Variants in ANO10 observed in about 807,000 individuals in gnomAD.
ANO10 encodes the protein anoctamin-10.
In ANO10, 77 loss-of-function variants were observed where a neutral mutation model predicts 74.7. The observed-to-expected ratio is 1.03, with a 90% CI of 0.86 to 1.25. ANO10 has a LOEUF of 1.25. ANO10 is among the 50% of genes most tolerant of loss of function. The pLI, the probability that ANO10 is intolerant of heterozygous loss-of-function variation, is 0.00. For synonymous variants in ANO10, 279 were observed against 284.9 expected (o/e 0.98, Z 0.21); for missense variants, 721 against 778.1 (o/e 0.93, Z 0.87).
rs150827247 is a variant in ANO10, at chr3:43,577,348, T to TA, written c.593-88dup. 8.4e-5 allele frequency: 110 copies of TA among 1,309,718 alleles called. No homozygotes were observed. The East Asian group carries it at 2.4e-3, about 29-fold the overall frequency. 81.1% of individuals were successfully genotyped at this position (1,309,718 alleles called of 1,614,324 possible). A position where few individuals can be genotyped will look rare whatever the true frequency, so the allele number is the denominator to read the frequency against. On this transcript the variant is annotated intron_variant, in intron 5 of 12. Transcript: ENST00000292246. ...CAAGTACGCTTATTCATTTTTTAGT[T>TA]AAGTGGGGATCATTCAACCCTCACT...
upstream of ANO10, among the ~76,000 whole-genome samples, chr3:43,626,216 G>A (rs1048097158): frequency 1.1e-4 from 16 of 151,896 alleles, no homozygotes; most frequent in Non-Finnish European, 1.9e-4. Flanking sequence ...TTACAGGCAT[G>A]AGCCACCATG....
intron 1 of ANO10, among the ~76,000 whole-genome samples, chr3:43,607,175 G>A (rs988893946): frequency 6.6e-6 from 1 of 151,858 alleles, no homozygotes; most frequent in African/African-American, 2.4e-5. Flanking sequence ...TAAAGAATAT[G>A]TGACCTGTAT....
At chr3:43,620,587 G>A (rs2083340644) in intron 1 of ANO10, among the ~76,000 whole-genome samples, 2 of 152,106 alleles carry the variant, frequency 1.3e-5, no homozygotes, top group African/African-American at 4.8e-5. Context: ...AGACCAGCCT[G>A]GCCAACATGG....
chr3:43,589,394 C>T (rs987205105), intron 4 of ANO10, among the ~76,000 whole-genome samples: 2 of 152,078 alleles, frequency 1.3e-5, no homozygotes, highest in Middle Eastern at 3.2e-3. Flanking sequence ...CCTTTATGAA[C>T]TGAAGCAATC....
intron 12 of ANO10, among the ~76,000 whole-genome samples, chr3:43,376,404 G>A (rs1052359137): frequency 2.0e-5 from 3 of 152,114 alleles, no homozygotes; most frequent in Admixed American, 6.5e-5. Context: ...CTGAGACAGG[G>A]GCAGTATTTT....
chr3:43,513,401 A>AT (rs1488801568), intron 11 of ANO10, among the ~76,000 whole-genome samples: 6 of 152,248 alleles, frequency 3.9e-5, no homozygotes, highest in Non-Finnish European at 5.9e-5. Context: ...ATAAAGATGT[A>AT]TACTATAAAC....
At position 43,366,780 on chromosome 3, in the gene ANO10, G is replaced by A. The variant is rs1017410577; in HGVS notation, c.*126C>T. The stretch of plus-strand genomic sequence containing the variant: ...GTGCTTGCCACATGGGAGCCACTTC[G>A]TTTGGCTAAGCATTGGGTCTGGGTT... On this transcript the variant is annotated 3_prime_UTR_variant, in exon 13 of 13. Coordinates refer to ENST00000292246, the MANE Select transcript of ANO10 (RefSeq NM_018075.5). The A allele has an allele frequency of 6.2e-5, 61 of 984,398 alleles. No individual in the cohort carries two copies. The highest frequency in any genetic ancestry group is 1.0e-4 in the Admixed American group (5 of 49,808). The allele number at this position is 984,398 out of a possible 1,614,324, so 61.0% of individuals were successfully genotyped here.
chr3:43,530,096 A>T (rs1430895488), intron 11 of ANO10, among the ~76,000 whole-genome samples: 1 of 152,170 alleles, frequency 6.6e-6, no homozygotes, highest in Non-Finnish European at 1.5e-5. Context: ...ATAGAAATTA[A>T]GAAGATAGGG....
intron 11 of ANO10, chr3:43,484,848 G>T (rs1559599043): frequency 3.6e-6 from 2 of 550,946 alleles, no homozygotes; most frequent in South Asian, 2.4e-5. Flanking sequence ...CATCATGGAG[G>T]CGGGGCTGTG....
At chr3:43,391,624 C>A (rs1003643181) in intron 12 of ANO10, among the ~76,000 whole-genome samples, 2 of 152,174 alleles carry the variant, frequency 1.3e-5, no homozygotes, top group Non-Finnish European at 2.9e-5. Flanking sequence ...TTTACAGAGG[C>A]TATGGTTTCC....
chr3:43,386,647 A>ATGTG (rs2092125622), intron 12 of ANO10, among the ~76,000 whole-genome samples: 3 of 87,934 alleles, frequency 3.4e-5, no homozygotes, highest in Non-Finnish European at 7.0e-5. Context: ...GTAGGTGTGT[A>ATGTG]CGTGTGTGTG....
rs1374992716 is a variant in ANO10 at position 43,675,693 on chromosome 3, A to ACC, written c.-12+15822_-12+15823dup. Among the ~76,000 whole-genome samples the ACC allele has an allele frequency of 3.9e-5, 6 of 152,084 alleles. No individual in the cohort carries two copies. In the South Asian group the frequency reaches 6.2e-4, roughly 16 times the overall value. On this transcript the variant is annotated intron_variant, in intron 1 of 3. Coordinates refer to the ANO10 transcript ENST00000413397. ...GACATTGTGACTTTAATCACTACAC[A>ACC]CCCATCACTACACACCCATCAGAAT...
chr3:43,634,005 A>AAG, intron 1 of ANO10, among the ~76,000 whole-genome samples: 1 of 151,480 alleles, frequency 6.6e-6, no homozygotes, highest in East Asian at 1.9e-4. Flanking sequence ...CAAAAAAAAA[A>AAG]AAAAAAAAAA....
intron 1 of ANO10, chr3:43,690,796 G>C (rs2084352441): frequency 2.1e-6 from 1 of 468,270 alleles, no homozygotes; most frequent in South Asian, 4.4e-5. Context: ...GTGCATGCTG[G>C]CTGGGGATGG....
chr3:43,682,633 A>G lies in ANO10; in HGVS notation c.-12+8884T>C, dbSNP rs188245947. Among the ~76,000 whole-genome samples the G allele has an allele frequency of 7.9e-5, 12 of 152,372 alleles. No homozygotes were observed. The East Asian group carries it at 1.5e-3, about 20-fold the overall frequency. On this transcript the variant is annotated intron_variant, in intron 1 of 3. Coordinates refer to the ANO10 transcript ENST00000413397. Reference sequence around the variant, plus strand: ...CCTGGCAGAGACACAACAAAAAAAGAGAAATTTAGACCAATATCTCTGATG... The same window carrying G: ...CCTGGCAGAGACACAACAAAAAAAGGGAAATTTAGACCAATATCTCTGATG...
At chr3:43,596,366 T>G (rs1007106022) in intron 4 of ANO10, among the ~76,000 whole-genome samples, 1 of 152,120 alleles carries the variant, frequency 6.6e-6, no homozygotes, top group African/African-American at 2.4e-5. Flanking sequence ...CAAACTATAC[T>G]ACAAAGCTAC....
At chr3:43,635,699 A>G (rs1052516571) in intron 1 of ANO10, among the ~76,000 whole-genome samples, 1 of 150,658 alleles carries the variant, frequency 6.6e-6, no homozygotes, top group African/African-American at 2.5e-5. Context: ...GGCTCACTGC[A>G]ACCTCCGCCT....
chr3:43,472,638 T>C (rs1038271233), intron 11 of ANO10: 6 of 151,730 alleles, frequency 4.0e-5, no homozygotes, highest in African/African-American at 1.2e-4. Context: ...AACAACCAAA[T>C]GCAATGAATT....
intron 11 of ANO10, among the ~76,000 whole-genome samples, chr3:43,488,518 CA>C (rs2076589629): frequency 6.6e-6 from 1 of 152,158 alleles, no homozygotes; most frequent in African/African-American, 2.4e-5. Flanking sequence ...AGGACATGAA[CA>C]GATACTTCTC....
Sources: allele counts gnomAD v4.1 joint callset (sites outside exome capture counted in the v4.1 genomes callset), GRCh38; gene constraint gnomAD v4.1.1; transcripts MANE v1.5; gene names NCBI Gene and HGNC (gene_info 2026-07-23, HGNC 2026-07-21).